The following STARD4 variants were observed in gnomAD, a reference collection of about 807,000 sequenced individuals.
The protein encoded by STARD4 is StAR related lipid transfer domain containing 4.
A neutral mutation model predicts 24.9 loss-of-function variants in STARD4; 33 were observed. The observed-to-expected ratio is 1.32, with a 90% CI of 1.00 to 1.77. The LOEUF (loss-of-function observed/expected upper bound fraction) is 1.77. Among genes scored for constraint, STARD4 ranks in the 40% most tolerant of loss-of-function variants. The pLI is 0.00. For synonymous variants in STARD4, 88 were observed against 77.4 expected (o/e 1.14, Z -0.72); for missense variants, 238 against 249.3 (o/e 0.95, Z 0.31).
Position 111,497,172 on chromosome 5 carries a change from A to G in STARD4, c.*2714T>C, listed in dbSNP as rs1462426003. The G allele has an allele frequency of 6.6e-6, 1 of 152,074 alleles. No individual in the cohort carries two copies. The highest frequency in any genetic ancestry group is 6.6e-5 in the Admixed American group (1 of 15,260). The allele number at this position is 152,074 out of a possible 1,614,324, so 9.4% of individuals were successfully genotyped here. A position where few individuals can be genotyped will look rare whatever the true frequency, so the allele number is the denominator to read the frequency against. ...CAGAATAGTCAACCATTTAACAAGA[A>G]GGCAGATTATATTCTTTCATTTCAC... On this transcript the variant is annotated 3_prime_UTR_variant, in exon 6 of 6. Coordinates refer to ENST00000296632, the MANE Select transcript of STARD4 (RefSeq NM_139164.3).
chr5:111,510,037 T>C (rs1410008820), intron 1 of STARD4, among the ~76,000 whole-genome samples: 4 of 152,148 alleles, frequency 2.6e-5, no homozygotes, highest in Non-Finnish European at 5.9e-5. Flanking sequence ...TTAATAGCCT[T>C]TTTAAGAGTG....
intron 3 of STARD4, among the ~76,000 whole-genome samples, chr5:111,505,267 G>T (rs932960692): frequency 3.9e-5 from 6 of 152,254 alleles, no homozygotes; most frequent in African/African-American, 1.4e-4. Context: ...CTAATTTAAA[G>T]AATTAACTTC....
In STARD4 at chr5:111,498,079, A is replaced by G. The variant is rs879795560; in HGVS notation, c.*1807T>C. On this transcript the variant is annotated 3_prime_UTR_variant, in exon 6 of 6. Transcript: ENST00000296632. ...GGGTAAATTACATAATATGTAAATT[A>G]TATATCAATAAAGCTGTTTTTGTTT... 6.6e-6 allele frequency: 1 copy of G among 152,108 alleles called. No individual in the cohort carries two copies. Among genetic ancestry groups the G allele is most frequent in the Non-Finnish European group, 1.5e-5 (1 of 67,962 alleles). 9.4% of individuals were successfully genotyped at this position (152,108 alleles called of 1,614,324 possible).
intron 2 of STARD4, 151 bp from the exon 3 acceptor site, chr5:111,506,530 A>G: frequency 4.9e-6 from 2 of 405,956 alleles, no homozygotes; most frequent in Non-Finnish European, 9.0e-6. Flanking sequence ...ATACCATAAA[A>G]GGATTTGTAT....
At chr5:111,500,459 G>A in intron 5 of STARD4, 3 of 1,054,752 alleles carry the variant, frequency 2.8e-6, no homozygotes, top group Non-Finnish European at 3.4e-6. Context: ...CCATATTATA[G>A]TTTGGTACTG....
intron 4 of STARD4, 71 bp downstream of exon 4, chr5:111,501,891 A>T: frequency 6.3e-7 from 1 of 1,587,940 alleles, no homozygotes; most frequent in Non-Finnish European, 8.6e-7. Flanking sequence ...TCATGCTCAC[A>T]TGCTCTGGCT....
chr5:111,506,920 A>C (rs1296247986), intron 2 of STARD4, among the ~76,000 whole-genome samples: 1 of 152,200 alleles, frequency 6.6e-6, no homozygotes, highest in Non-Finnish European at 1.5e-5. Flanking sequence ...TCACCTATGT[A>C]ATAGTTTGGG....
intron 5 of STARD4, chr5:111,500,543 T>A: frequency 9.5e-7 from 1 of 1,056,130 alleles, no homozygotes; most frequent in South Asian, 3.8e-5. Flanking sequence ...CAAAATAATA[T>A]TAATTTACCT....
rs1382191536 is a variant in STARD4, at chr5:111,507,227, A to T, written c.105+102T>A. On this transcript the variant is annotated intron_variant, in intron 2 of 5. Transcript: ENST00000296632. This position sits in a 1 kb window ranked among gnomAD's most constrained non-coding sequence, Gnocchi z 4.4. Reference sequence around the variant, plus strand: ...TTATTTTTCTTGCATATCCATCCAAAGTATGGTCTTTGTCCATATTGTTCC... The same window carrying T: ...TTATTTTTCTTGCATATCCATCCAATGTATGGTCTTTGTCCATATTGTTCC... The T allele has an allele frequency of 3.2e-6, 3 of 933,788 alleles. No homozygotes were observed. Among genetic ancestry groups the T allele is most frequent in the Non-Finnish European group, 4.8e-6 (3 of 620,004 alleles). 57.8% of individuals were successfully genotyped at this position (933,788 alleles called of 1,614,324 possible).
At position 111,499,948 on chromosome 5, in the gene STARD4, C is replaced by T; in HGVS notation, c.556G>A (p.Val186Ile). Reference protein sequence around the residue: ...DLRGMIPQSAVDTAMASTLTN... With the variant: ...DLRGMIPQSAIDTAMASTLTN... ...AAAGTGCTTGCCATGGCTGTATCTACCGCAGACTGAGGAATCATCCCACGC... is the reference window on the plus strand; with the variant it reads ...AAAGTGCTTGCCATGGCTGTATCTATCGCAGACTGAGGAATCATCCCACGC... The change falls in exon 6 of 6, where the codon GTA becomes ATA. Residue 186 changes from valine (V) to isoleucine (I), a missense_variant. Transcript: ENST00000296632. 1 of 1,614,134 alleles carries T rather than the reference C, an allele frequency of 6.2e-7. No homozygotes were observed. Among genetic ancestry groups the T allele is most frequent in the Non-Finnish European group, 8.5e-7 (1 of 1,180,004 alleles).
Position 111,501,040 on chromosome 5 carries a change from G to A in STARD4, c.359C>T (p.Ser120Phe), listed in dbSNP as rs756073053. The change falls in exon 5 of 6, where the codon TCC (serine) becomes TTC (phenylalanine). Residue 120 changes from serine (S) to phenylalanine (F), a missense_variant. Transcript: ENST00000296632. ...CCCTTCTTTATAGCCCACAGTATAGGAGAAATCAACAAATTCTCTTGGGGA... is the reference window on the plus strand; with the variant it reads ...CCCTTCTTTATAGCCCACAGTATAGAAGAAATCAACAAATTCTCTTGGGGA... The part of the protein sequence containing the change: ...IISPREFVDF[S>F]YTVGYKEGLL... The A allele has an allele frequency of 1.1e-5, 18 of 1,613,268 alleles. No individual in the cohort carries two copies. Among genetic ancestry groups the A allele is most frequent in the Non-Finnish European group, 1.3e-5 (15 of 1,179,796 alleles).
chr5:111,504,320 C>T, intron 3 of STARD4, among the ~76,000 whole-genome samples: 1 of 151,996 alleles, frequency 6.6e-6, no homozygotes, highest in East Asian at 1.9e-4. Flanking sequence ...GGTATATTCA[C>T]ATAGAGGGAA....
chr5:111,508,724 T>C lies in STARD4; in HGVS notation c.-9-1282A>G, dbSNP rs192903751. ...TTAGATTTTAGGGCCCAGTGCCAAA[T>C]AGTCTAATTCAGTGGCTTTGTTCTG... On this transcript the variant is annotated intron_variant, in intron 1 of 5. Coordinates refer to ENST00000296632, the MANE Select transcript of STARD4 (RefSeq NM_139164.3). Among the ~76,000 whole-genome samples, 8 of 152,306 alleles carry C rather than the reference T, an allele frequency of 5.3e-5. No individual in the cohort carries two copies. The East Asian group carries it at 1.3e-3, about 26-fold the overall frequency.
intron 5 of STARD4, chr5:111,500,337 C>T: frequency 8.0e-7 from 1 of 1,242,386 alleles, no homozygotes; most frequent in Non-Finnish European, 1.0e-6. Flanking sequence ...GAATACATGA[C>T]ATCATATCAT....
chr5:111,507,586 T>A lies in STARD4; in HGVS notation c.-9-144A>T, dbSNP rs1399291010. The A allele has an allele frequency of 3.7e-6, 2 of 541,982 alleles. No homozygotes were observed. Among genetic ancestry groups the A allele is most frequent in the Admixed American group, 3.8e-5 (1 of 26,536 alleles). 33.6% of individuals were successfully genotyped at this position (541,982 alleles called of 1,614,324 possible). ...CTCACCCCAAATCAACTAATCATAA[T>A]CTCTGAGAGTAGGACCCGGGCATAG... is the stretch of plus-strand genomic sequence containing the variant. On this transcript the variant is annotated intron_variant, in intron 1 of 5. Transcript: ENST00000296632. The surrounding 1 kb of genome is among the most constrained non-coding windows in gnomAD (Gnocchi z 4.4).
At chr5:111,502,941 T>C (rs962440344) in intron 3 of STARD4, among the ~76,000 whole-genome samples, 2 of 152,174 alleles carry the variant, frequency 1.3e-5, no homozygotes, top group African/African-American at 4.8e-5. Context: ...AGGGCTATAC[T>C]ACGTGTCATA....
At chr5:111,500,821 A>G in intron 5 of STARD4, 181 bp downstream of exon 5, 1 of 1,497,264 alleles carries the variant, frequency 6.7e-7, no homozygotes, top group Non-Finnish European at 8.8e-7. Context: ...ACTTATCAGA[A>G]GGGTTTCAAA....
At chr5:111,506,229 T>G in intron 3 of STARD4, 101 bp downstream of exon 3, 1 of 299,888 alleles carries the variant, frequency 3.3e-6, no homozygotes. Flanking sequence ...GTTAAAGAAC[T>G]CTTAAAAAGC....
chr5:111,512,507 T>G lies in STARD4; in HGVS notation c.-132A>C, dbSNP rs547199191. On this transcript the variant is annotated 5_prime_UTR_variant, in exon 1 of 6. Transcript: ENST00000296632. ...CGATGCGCAGGCGACAGCAGCCAAC[T>G]TGTAAGTCACCGCTGGTCGCAGCCA... 2.0e-5 allele frequency: 3 copies of G among 152,758 alleles called. No homozygotes were observed. In the South Asian group the frequency reaches 6.2e-4, roughly 32 times the overall value. The allele number at this position is 152,758 out of a possible 1,614,324, so 9.5% of individuals were successfully genotyped here. A position where few individuals can be genotyped will look rare whatever the true frequency, so the allele number is the denominator to read the frequency against.
Sources: gnomAD v4.1 joint callset for allele counts (sites outside exome capture counted in the v4.1 genomes callset) on GRCh38, gnomAD v4.1.1 for gene constraint, Gnocchi (gnomAD v3.1) non-coding constraint, MANE v1.5 for transcripts, NCBI Gene and HGNC (gene_info 2026-07-23, HGNC 2026-07-21) for gene names.